ASXL3: variants seen among roughly 807,000 people sequenced by gnomAD.
ASXL3 encodes ASXL transcriptional regulator 3.
Under a neutral mutation model 170.6 loss-of-function variants are expected in ASXL3, and 34 were observed. That is an observed-to-expected ratio of 0.20 (90% CI 0.15 to 0.27). ASXL3 has a LOEUF of 0.27. ASXL3 is among the 10% of genes least tolerant of loss of function. The pLI, the probability that ASXL3 is intolerant of heterozygous loss-of-function variation, is 1.00. For synonymous variants in ASXL3, 1,002 were observed against 989.1 expected, an observed-to-expected ratio of 1.01 and a Z score of -0.24; for missense variants, 2,592 against 2,695.3, an observed-to-expected ratio of 0.96 and a Z score of 0.85.
In ASXL3 at chr18:33,745,050, G is replaced by A. The variant is rs1568367691; in HGVS notation, c.5202G>A (p.Gly1734=). The change falls in exon 12 of 12, where the codon GGG becomes GGA. Residue 1734 remains glycine (G), a synonymous_variant. Coordinates refer to ENST00000269197, the MANE Select transcript of ASXL3 (RefSeq NM_030632.3). Reference sequence around the variant, plus strand: ...CCCTGAAGAGAGTCCCTGGTGCAGGGAGCTCAGGCTGTCGTCTGTCCTCTG... The same window carrying A: ...CCCTGAAGAGAGTCCCTGGTGCAGGAAGCTCAGGCTGTCGTCTGTCCTCTG... ...TDALKRVPGA[G]SSGCRLSSVE... 1.2e-6 allele frequency: 2 copies of A among 1,614,004 alleles called. No individual in the cohort carries two copies. The highest frequency in any genetic ancestry group is 4.5e-5 in the East Asian group (2 of 44,874).
intron 8 of ASXL3, among the ~76,000 whole-genome samples, chr18:33,713,162 G>C (rs2067097399): frequency 6.7e-6 from 1 of 148,970 alleles, no homozygotes; most frequent in Non-Finnish European, 1.5e-5. Flanking sequence ...TACAAAATCA[G>C]GGTTTGTTAC....
intron 1 of ASXL3, among the ~76,000 whole-genome samples, chr18:33,589,295 AAG>A (rs2065059285): frequency 6.6e-6 from 1 of 152,218 alleles, no homozygotes; most frequent in African/African-American, 2.4e-5. Flanking sequence ...CTGACGTTAT[AAG>A]ATGCCAGTTA....
At chr18:33,683,165 A>G (rs2066540620) in intron 7 of ASXL3, among the ~76,000 whole-genome samples, 1 of 152,224 alleles carries the variant, frequency 6.6e-6, no homozygotes, top group Non-Finnish European at 1.5e-5. Context: ...AGCTAAAAGT[A>G]GAGAAGATAT....
chr18:33,669,873 A>G (rs772008350), intron 5 of ASXL3, among the ~76,000 whole-genome samples: 1 of 152,138 alleles, frequency 6.6e-6, no homozygotes, highest in Non-Finnish European at 1.5e-5. Context: ...TATTACAGGT[A>G]ATTTTCTGTA....
intron 8 of ASXL3, among the ~76,000 whole-genome samples, chr18:33,712,984 C>CGGAT (rs1296976110): frequency 1.3e-5 from 2 of 152,060 alleles, no homozygotes; most frequent in Non-Finnish European, 2.9e-5. Flanking sequence ...GAAGCTGGCT[C>CGGAT]ATCCACGTTC....
rs769727961 is a variant in ASXL3 at position 33,683,530 on chromosome 18, C to G, written c.841C>G (p.Gln281Glu). ...TGCTTCCTTACCTCAGCATTTTCAA[C>G]AATACCTCCTGCTTTTGCTCCCAGA... The part of the protein sequence containing the change: ...TFASLPQHFQ[Q>E]YLLLLLPEVD... The change falls in exon 8 of 12, where the codon CAA becomes GAA. Residue 281 changes from glutamine to glutamate, a missense_variant. By Grantham distance (29) the Gln-to-Glu change is conservative. Coordinates refer to ENST00000269197, the MANE Select transcript of ASXL3 (RefSeq NM_030632.3). The G allele has an allele frequency of 1.9e-6, 3 of 1,613,218 alleles. No homozygotes were observed. Among genetic ancestry groups the G allele is most frequent in the Non-Finnish European group, 1.7e-6 (2 of 1,179,606 alleles).
At position 33,744,712 on chromosome 18, in the gene ASXL3, G is replaced by A. The variant is rs1327986681; in HGVS notation, c.4864G>A (p.Val1622Ile). ...GATGAGGAGCACAGGACAGCCTCTG[G>A]TTACTCACTCGGGTTCAAGTAAACA... ...DGMRSTGQPLVTHSGSSKQKE... is the reference protein window; with the variant it reads ...DGMRSTGQPLITHSGSSKQKE... Residue 1622 changes from valine (V) to isoleucine (I), a missense_variant, in exon 12 of 12, where the codon GTT becomes ATT. Physicochemically the swap from Val to Ile is conservative, Grantham distance 29. Transcript: ENST00000269197. 6.2e-7 allele frequency: 1 copy of A among 1,612,734 alleles called. No homozygotes were observed. Among genetic ancestry groups the A allele is most frequent in the Non-Finnish European group, 8.5e-7 (1 of 1,179,316 alleles).
chr18:33,702,986 C>T (rs2066901148), intron 8 of ASXL3, among the ~76,000 whole-genome samples: 1 of 152,094 alleles, frequency 6.6e-6, no homozygotes, highest in Admixed American at 6.6e-5. Flanking sequence ...TAAATTGCTC[C>T]ATAGTCTGAT....
At chr18:33,656,422 T>C (rs2066085411) in intron 4 of ASXL3, among the ~76,000 whole-genome samples, 1 of 152,096 alleles carries the variant, frequency 6.6e-6, no homozygotes, top group South Asian at 2.1e-4. Context: ...TTTCCTCAGA[T>C]AGCTTGTTAC....
At position 33,744,335 on chromosome 18, in the gene ASXL3, C is replaced by T; in HGVS notation, c.4487C>T (p.Ala1496Val). 6.2e-7 allele frequency: 1 copy of T among 1,614,028 alleles called. No individual in the cohort carries two copies. The highest frequency in any genetic ancestry group is 8.5e-7 in the Non-Finnish European group (1 of 1,179,898). ...ACTGTCTCCGTTGAAAGCTCAGAAG[C>T]CAGCTTGGACCTGCAGGGCAGACCA... The part of the protein sequence containing the change: ...SLTVSVESSE[A>V]SLDLQGRPVR... The change falls in exon 12 of 12, where the codon GCC (alanine) becomes GTC (valine). Residue 1496 changes from alanine to valine, a missense_variant. Physicochemically the swap from Ala to Val is moderately conservative, Grantham distance 64. Transcript: ENST00000269197.
chr18:33,719,360 T>A (rs1336480478), intron 8 of ASXL3, among the ~76,000 whole-genome samples: 1 of 151,984 alleles, frequency 6.6e-6, no homozygotes, highest in Admixed American at 6.6e-5. Flanking sequence ...TTTCCCTTCT[T>A]GTACTTCTGT....
chr18:33,582,505 A>G (rs2065002044), intron 1 of ASXL3, among the ~76,000 whole-genome samples: 1 of 151,988 alleles, frequency 6.6e-6, no homozygotes, highest in Non-Finnish European at 1.5e-5. Flanking sequence ...TGCTTTTAAG[A>G]TAATAGTTTA....
Position 33,629,997 on chromosome 18 carries a change from TG to T in ASXL3, c.138-14896del, listed in dbSNP as rs530253052. Among the ~76,000 whole-genome samples, 4 of 152,158 alleles carry T rather than the reference TG, an allele frequency of 2.6e-5. No homozygotes were observed. The South Asian group carries it at 8.3e-4, about 32-fold the overall frequency. On this transcript the variant is annotated intron_variant, in intron 2 of 11. Transcript: ENST00000269197. ...CGGAAGAAGAGTATTAATATTGGCT[TG>T]TAGCAAGCATAGGCATTTCTGCGAC...
chr18:33,659,021 G>A (rs534180515), intron 4 of ASXL3, among the ~76,000 whole-genome samples: 4 of 152,138 alleles, frequency 2.6e-5, no homozygotes, highest in East Asian at 1.9e-4. Context: ...AACTCAAAAT[G>A]TACAGTGTAT....
chr18:33,585,018 A>T (rs2145090972), intron 1 of ASXL3, among the ~76,000 whole-genome samples: 1 of 151,820 alleles, frequency 6.6e-6, no homozygotes, highest in South Asian at 2.1e-4. Flanking sequence ...AAGCGTAGGG[A>T]GGGCCCAAGC....
Position 33,609,675 on chromosome 18 carries a change from C to T in ASXL3, c.137+1999C>T, listed in dbSNP as rs540867903. ...TAGTCCTCTAAATTGAATCCCTCTC[C>T]CCACTTCACCCACTACATCACTATT... is the stretch of plus-strand genomic sequence containing the variant. On this transcript the variant is annotated intron_variant, in intron 2 of 11. Coordinates refer to ENST00000269197, the MANE Select transcript of ASXL3 (RefSeq NM_030632.3). Among the ~76,000 whole-genome samples the T allele has an allele frequency of 3.7e-4, 57 of 152,062 alleles. 1 individual carries two copies. In the South Asian group the frequency reaches 8.7e-3, roughly 23 times the overall value.
At chr18:33,718,328 C>G (rs991817594) in intron 8 of ASXL3, among the ~76,000 whole-genome samples, 5 of 152,146 alleles carry the variant, frequency 3.3e-5, no homozygotes. Flanking sequence ...AATTTTGTCT[C>G]TCAACTGATA....
intron 1 of ASXL3, among the ~76,000 whole-genome samples, chr18:33,603,666 G>A (rs940565428): frequency 1.3e-5 from 2 of 151,978 alleles, no homozygotes; most frequent in African/African-American, 4.8e-5. Context: ...TGCACCAGCC[G>A]TGGAGAGTCC....
At chr18:33,630,021 G>A (rs770517757) in intron 2 of ASXL3, among the ~76,000 whole-genome samples, 2 of 151,856 alleles carry the variant, frequency 1.3e-5, no homozygotes, top group African/African-American at 2.4e-5. Flanking sequence ...GCATTTCTGC[G>A]ACCCCCTGCT....
Sources: gnomAD v4.1 joint callset for allele counts (sites outside exome capture counted in the v4.1 genomes callset) on GRCh38, gnomAD v4.1.1 for gene constraint, MANE v1.5 for transcripts, NCBI Gene and HGNC (gene_info 2026-07-23, HGNC 2026-07-21) for gene names.